Variants in FFAR2 observed in about 807,000 individuals in gnomAD.
FFAR2 encodes G-protein coupled receptor 43.
For synonymous variants in FFAR2, 193 were observed against 189.9 expected (o/e 1.02, Z -0.13); for missense variants, 421 against 428.9 (o/e 0.98, Z 0.16).
intron 1 of FFAR2, among the ~76,000 whole-genome samples, chr19:35,448,908 T>C (rs2067362377): frequency 6.6e-6 from 1 of 151,766 alleles, no homozygotes; most frequent in African/African-American, 2.4e-5. Flanking sequence ...GTTCAAGCGA[T>C]TCTCCTGCCT....
Position 35,450,895 on chromosome 19 carries a change from C to T in FFAR2, c.*188C>T. 1 of 620,672 alleles carries T rather than the reference C, an allele frequency of 1.6e-6. No individual in the cohort carries two copies. Among genetic ancestry groups the T allele is most frequent in the East Asian group, 2.8e-5 (1 of 35,542 alleles). 38.4% of individuals were successfully genotyped at this position (620,672 alleles called of 1,614,324 possible). On this transcript the variant is annotated 3_prime_UTR_variant, in exon 2 of 2. Transcript: ENST00000599180. ...GACTGAATTGTCCTACTCAAAGGAG[C>T]ATAAGTCAGAGATGCACGAAGAAGT...
chr19:35,449,878 ACCT>A lies in FFAR2; in HGVS notation c.171_173del (p.Leu62del), dbSNP rs760169067. 8.7e-6 allele frequency: 14 copies of A among 1,612,902 alleles called. No homozygotes were observed. The highest frequency in any genetic ancestry group is 4.5e-5 in the East Asian group (2 of 44,872). On this transcript the variant is annotated inframe_deletion, in exon 2 of 2. Coordinates refer to ENST00000599180, the MANE Select transcript of FFAR2 (RefSeq NM_001370087.1). ...CTCCTGCTGAGCCTGACGCTGGCCGACCTCCTCCTGCTGCTGCTGCTGCCCTTC... is the reference window on the plus strand; with the variant it reads ...CTCCTGCTGAGCCTGACGCTGGCCGACCTCCTGCTGCTGCTGCTGCCCTTC...
chr19:35,449,419 G>A (rs1353580682), intron 1 of FFAR2, among the ~76,000 whole-genome samples: 3 of 152,254 alleles, frequency 2.0e-5, no homozygotes, highest in Non-Finnish European at 4.4e-5. Flanking sequence ...AGGACAGGAG[G>A]AGAAAGGCTA....
At chr19:35,449,619 G>C in intron 1 of FFAR2, 95 bp from the exon 2 acceptor site, 3 of 1,322,850 alleles carry the variant, frequency 2.3e-6, no homozygotes, top group Non-Finnish European at 2.1e-6. Flanking sequence ...GGAAGGGGAC[G>C]GTGCCGGGGA....
At chr19:35,449,680 C>G (rs368963853) in intron 1 of FFAR2, 34 bp from the exon 2 acceptor site, 4 of 1,523,852 alleles carry the variant, frequency 2.6e-6, no homozygotes, top group Non-Finnish European at 3.5e-6. Context: ...TGAGTGAGAC[C>G]TCCCTGACCC....
chr19:35,450,427 A>G lies in FFAR2; in HGVS notation c.713A>G (p.Tyr238Cys). 1.2e-6 allele frequency: 2 copies of G among 1,614,246 alleles called. No individual in the cohort carries two copies. The highest frequency in any genetic ancestry group is 1.7e-6 in the Non-Finnish European group (2 of 1,180,046). The change falls in exon 2 of 2, where the codon TAC becomes TGC. Residue 238 changes from tyrosine to cysteine, a missense_variant. By Grantham distance (194) the Tyr-to-Cys change is radical. Coordinates refer to ENST00000599180, the MANE Select transcript of FFAR2 (RefSeq NM_001370087.1). ...AATTTCCTGGTGTGCTTCGGACCTT[A>G]CAACGTGTCCCACCTGGTGGGGTAT... ...LLNFLVCFGP[Y>C]NVSHLVGYHQ...
In FFAR2 at chr19:35,450,674, A is replaced by G. The variant is rs1270737237; in HGVS notation, c.960A>G (p.Glu320=). 6.2e-7 allele frequency: 1 copy of G among 1,613,974 alleles called. No homozygotes were observed. Among genetic ancestry groups the G allele is most frequent in the African/African-American group, 1.3e-5 (1 of 75,032 alleles). The part of the protein sequence containing the change: ...TNEDRGVGQG[E]GMPSSDFTTE ...AGGACAGGGGTGTGGGTCAAGGAGAAGGGATGCCAAGTTCGGACTTCACTA... is the reference window on the plus strand; with the variant it reads ...AGGACAGGGGTGTGGGTCAAGGAGAGGGGATGCCAAGTTCGGACTTCACTA... Residue 320 remains glutamate (E), a synonymous_variant, in exon 2 of 2, where the codon GAA becomes GAG. Coordinates refer to ENST00000599180, the MANE Select transcript of FFAR2 (RefSeq NM_001370087.1).
Position 35,450,140 on chromosome 19 carries a change from C to T in FFAR2, c.426C>T (p.Thr142=). The change falls in exon 2 of 2, where the codon ACC becomes ACT. Residue 142 remains threonine, a synonymous_variant. Coordinates refer to ENST00000599180, the MANE Select transcript of FFAR2 (RefSeq NM_001370087.1). ...GGGTTATGTCCTTTGGTCACTGCAC[C>T]ATCGTGATCATCGTTCAATACTTGA... ...VAWVMSFGHC[T]IVIIVQYLNT... 1 of 1,614,180 alleles carries T rather than the reference C, an allele frequency of 6.2e-7. No individual in the cohort carries two copies. Among genetic ancestry groups the T allele is most frequent in the Non-Finnish European group, 8.5e-7 (1 of 1,180,038 alleles).
chr19:35,451,050 C>T lies in FFAR2; in HGVS notation c.*343C>T, dbSNP rs113286222. ...CATCCTGGTCAACATGGGAAAACCC[C>T]GTCTCTACTAAAAATACAAAAAAAT... On this transcript the variant is annotated 3_prime_UTR_variant, in exon 2 of 2. Transcript: ENST00000599180. The T allele has an allele frequency of 0.11, 23,073 of 211,344 alleles. 1,557 individuals carry two copies. The highest frequency in any genetic ancestry group is 0.2 in the African/African-American group (8,459 of 42,990). 13.1% of individuals were successfully genotyped at this position (211,344 alleles called of 1,614,324 possible). A position where few individuals can be genotyped will look rare whatever the true frequency, so the allele number is the denominator to read the frequency against.
chr19:35,449,256 G>C (rs1011680581), intron 1 of FFAR2, among the ~76,000 whole-genome samples: 1 of 152,202 alleles, frequency 6.6e-6, no homozygotes, highest in Non-Finnish European at 1.5e-5. Flanking sequence ...CTGGCACTGG[G>C]TATCCGCGCC....
Position 35,449,954 on chromosome 19 carries a change from C to A in FFAR2, c.240C>A (p.Val80=), listed in dbSNP as rs1447256577. ...ASNFRWYLPK[V]VCALTSFGFY... ...ACTTCCGCTGGTACCTGCCCAAGGT[C>A]GTCTGCGCCCTCACGAGTTTTGGCT... The change falls in exon 2 of 2, where the codon GTC becomes GTA. Residue 80 remains valine (V), a synonymous_variant. Coordinates refer to ENST00000599180, the MANE Select transcript of FFAR2 (RefSeq NM_001370087.1). 6.2e-7 allele frequency: 1 copy of A among 1,613,930 alleles called. No individual in the cohort carries two copies. The highest frequency in any genetic ancestry group is 2.2e-5 in the East Asian group (1 of 44,888).
Position 35,450,035 on chromosome 19 carries a change from C to T in FFAR2, c.321C>T (p.Arg107=), listed in dbSNP as rs751774808. ...TCCTGGCGGGCATCAGCATCGAGCG[C>T]TACCTGGGAGTGGCTTTCCCCGTGC... is the stretch of plus-strand genomic sequence containing the variant. ...TWLLAGISIE[R]YLGVAFPVQY... The change falls in exon 2 of 2, where the codon CGC becomes CGT. Residue 107 remains arginine (R), a synonymous_variant. Transcript: ENST00000599180. The T allele has an allele frequency of 2.5e-6, 4 of 1,614,096 alleles. No homozygotes were observed. Among genetic ancestry groups the T allele is most frequent in the Admixed American group, 3.3e-5 (2 of 60,000 alleles).
chr19:35,450,016 C>T lies in FFAR2; in HGVS notation c.302C>T (p.Ala101Val), dbSNP rs763737717. 1.9e-6 allele frequency: 3 copies of T among 1,614,022 alleles called. No homozygotes were observed. The highest frequency in any genetic ancestry group is 1.3e-5 in the African/African-American group (1 of 74,922). Residue 101 changes from alanine (A) to valine (V), a missense_variant, in exon 2 of 2, where the codon GCG becomes GTG. Ala to Val is a moderately conservative substitution (Grantham distance 64, BLOSUM62 0). Transcript: ENST00000599180. ...ATCTACTGCAGCACGTGGCTCCTGGCGGGCATCAGCATCGAGCGCTACCTG... is the reference window on the plus strand; with the variant it reads ...ATCTACTGCAGCACGTGGCTCCTGGTGGGCATCAGCATCGAGCGCTACCTG... ...SSIYCSTWLL[A>V]GISIERYLGV...
Position 35,450,540 on chromosome 19 carries a change from T to C in FFAR2, c.826T>C (p.Ser276Pro), listed in dbSNP as rs1305066612. 3 of 1,614,106 alleles carry C rather than the reference T, an allele frequency of 1.9e-6. No individual in the cohort carries two copies. The highest frequency in any genetic ancestry group is 2.5e-6 in the Non-Finnish European group (3 of 1,180,052). ...ASLDPLLFYF[S>P]SSVVRRAFGR... The stretch of plus-strand genomic sequence containing the variant: ...TCTGGACCCCCTGCTCTTCTATTTC[T>C]CTTCTTCAGTGGTGCGCAGGGCATT... Residue 276 changes from serine to proline, a missense_variant, in exon 2 of 2, where the codon TCT becomes CCT. Physicochemically the swap from Ser to Pro is moderately conservative, Grantham distance 74. Coordinates refer to ENST00000599180, the MANE Select transcript of FFAR2 (RefSeq NM_001370087.1).
At position 35,450,176 on chromosome 19, in the gene FFAR2, G is replaced by A. The variant is rs957180139; in HGVS notation, c.462G>A (p.Glu154=). 1 of 1,614,190 alleles carries A rather than the reference G, an allele frequency of 6.2e-7. No homozygotes were observed. Among genetic ancestry groups the A allele is most frequent in the Admixed American group, 1.7e-5 (1 of 60,020 alleles). ...VIIVQYLNTT[E]QVRSGNEITC... is the part of the protein sequence containing the mutation. ...TCGTTCAATACTTGAACACGACTGA[G>A]CAGGTCAGAAGTGGCAATGAAATTA... Residue 154 remains glutamate (E), a synonymous_variant, in exon 2 of 2, where the codon GAG becomes GAA. Coordinates refer to ENST00000599180, the MANE Select transcript of FFAR2 (RefSeq NM_001370087.1).
chr19:35,451,280 A>T lies in FFAR2; in HGVS notation c.*573A>T, dbSNP rs568666435. ...AGGCTGGAGAAGCAGCGTAGCTAAC[A>T]CAAGTCCAGTCCTTGTGATGTGGCT... On this transcript the variant is annotated 3_prime_UTR_variant, in exon 2 of 2. Transcript: ENST00000599180. The T allele has an allele frequency of 1.3e-5, 2 of 152,454 alleles. No homozygotes were observed. The highest frequency in any genetic ancestry group is 4.1e-4 in the South Asian group (2 of 4,840). 9.4% of individuals were successfully genotyped at this position (152,454 alleles called of 1,614,324 possible). A position where few individuals can be genotyped will look rare whatever the true frequency, so the allele number is the denominator to read the frequency against.
rs770101328 is a variant in FFAR2 at position 35,450,510 on chromosome 19, G to A, written c.796G>A (p.Ala266Thr). The change falls in exon 2 of 2, where the codon GCC becomes ACC. Residue 266 changes from alanine to threonine, a missense_variant. Transcript: ENST00000599180. ...SIAVVFSSLN[A>T]SLDPLLFYFS... ...AGCCGTGGTGTTCAGTTCACTCAAC[G>A]CCAGTCTGGACCCCCTGCTCTTCTA... 9.3e-6 allele frequency: 15 copies of A among 1,614,222 alleles called. No individual in the cohort carries two copies. Among genetic ancestry groups the A allele is most frequent in the Non-Finnish European group, 1.1e-5 (13 of 1,180,036 alleles).
rs1340403226 is a variant in FFAR2, at chr19:35,450,266, C to T, written c.552C>T (p.Cys184=). The T allele has an allele frequency of 6.2e-7, 1 of 1,614,194 alleles. No homozygotes were observed. Among genetic ancestry groups the T allele is most frequent in the Non-Finnish European group, 8.5e-7 (1 of 1,180,042 alleles). ...TGCTGCCCGTGCGGCTGGAGCTGTG[C>T]CTGGTGCTCTTCTTCATCCCCATGG... ...DVVLPVRLEL[C]LVLFFIPMAV... The change falls in exon 2 of 2, where the codon TGC becomes TGT. Residue 184 remains cysteine (C), a synonymous_variant. Coordinates refer to ENST00000599180, the MANE Select transcript of FFAR2 (RefSeq NM_001370087.1).
At position 35,450,153 on chromosome 19, in the gene FFAR2, G is replaced by A. The variant is rs771781550; in HGVS notation, c.439G>A (p.Val147Ile). 11 of 1,614,064 alleles carry A rather than the reference G, an allele frequency of 6.8e-6. No homozygotes were observed. The East Asian group carries it at 8.9e-5, about 13-fold the overall frequency. Reference sequence around the variant, plus strand: ...TGGTCACTGCACCATCGTGATCATCGTTCAATACTTGAACACGACTGAGCA... The same window carrying A: ...TGGTCACTGCACCATCGTGATCATCATTCAATACTTGAACACGACTGAGCA... ...SFGHCTIVII[V>I]QYLNTTEQVR... Residue 147 changes from valine (V) to isoleucine (I), a missense_variant, in exon 2 of 2, where the codon GTT becomes ATT. Coordinates refer to ENST00000599180, the MANE Select transcript of FFAR2 (RefSeq NM_001370087.1).
Sources: allele counts gnomAD v4.1 joint callset (sites outside exome capture counted in the v4.1 genomes callset), GRCh38; gene constraint gnomAD v4.1.1; transcripts MANE v1.5; gene names NCBI Gene and HGNC (gene_info 2026-07-23, HGNC 2026-07-21).